CDH13: variants seen among roughly 807,000 people sequenced by gnomAD.
CDH13 encodes the protein cadherin-13.
In CDH13, 24 loss-of-function variants were observed where a neutral mutation model predicts 63.8. That is an observed-to-expected ratio of 0.38 (90% CI 0.27 to 0.53). CDH13 has a LOEUF of 0.53. Among genes scored for constraint, CDH13 ranks in the 20% least tolerant of loss-of-function variants. The pLI, the probability that CDH13 is intolerant of heterozygous loss-of-function variation, is 0.85. For synonymous variants in CDH13, 503 were observed against 355.3 expected, an observed-to-expected ratio of 1.42 and a Z score of -4.67; for missense variants, 1,049 against 903.1, an observed-to-expected ratio of 1.16 and a Z score of -2.07.
At chr16:82,820,005 A>G (rs1230194239) in intron 1 of CDH13, among the ~76,000 whole-genome samples, 9 of 152,146 alleles carry the variant, frequency 5.9e-5, no homozygotes. Flanking sequence ...CAGCGGCAGC[A>G]GTAGAGGAGA....
At chr16:83,069,070 A>G (rs2032244028) in intron 3 of CDH13, among the ~76,000 whole-genome samples, 1 of 152,208 alleles carries the variant, frequency 6.6e-6, no homozygotes, top group African/African-American at 2.4e-5. Flanking sequence ...GATTCTCAAA[A>G]TCCCAAAGGC....
In CDH13 at chr16:82,715,895, C is replaced by G. The variant is rs929612919; in HGVS notation, c.45+88758C>G. Among the ~76,000 whole-genome samples, 30 of 152,218 alleles carry G rather than the reference C, an allele frequency of 2.0e-4. 1 individual carries two copies. The highest frequency in any genetic ancestry group is 6.0e-4 in the African/African-American group (25 of 41,456). On this transcript the variant is annotated intron_variant, in intron 1 of 13. Coordinates refer to ENST00000567109, the MANE Select transcript of CDH13 (RefSeq NM_001257.5). ...TCCCCAGTCCAACTCCAGGAATGCC[C>G]TTTCTTCTTTAGCCACATCACAGTG...
chr16:83,080,874 T>TTTTTTTTG (rs2033190680), intron 3 of CDH13, among the ~76,000 whole-genome samples: 2 of 88,482 alleles, frequency 2.3e-5, no homozygotes, highest in African/African-American at 5.1e-5. Context: ...TTTTTGTGTT[T>TTTTTTTTG]TTTTTTTTTT....
chr16:83,171,875 T>C (rs898324986), intron 4 of CDH13, among the ~76,000 whole-genome samples: 11 of 152,312 alleles, frequency 7.2e-5, no homozygotes, highest in South Asian at 2.1e-4. Context: ...CATTTTATAA[T>C]GCTATCAACT....
chr16:83,355,898 G>A (rs903032551), intron 6 of CDH13, among the ~76,000 whole-genome samples: 19 of 152,146 alleles, frequency 1.2e-4, no homozygotes, highest in African/African-American at 3.9e-4. Context: ...GCACTATTAT[G>A]TACTGGATAC....
chr16:83,059,793 G>GC (rs2031341585), intron 3 of CDH13, among the ~76,000 whole-genome samples: 8 of 113,078 alleles, frequency 7.1e-5, no homozygotes. Flanking sequence ...TTTTTTGTTT[G>GC]TTTTTTTTTT....
chr16:83,686,290 C>G (rs1373910557), intron 10 of CDH13, among the ~76,000 whole-genome samples: 1 of 152,202 alleles, frequency 6.6e-6, no homozygotes, highest in African/African-American at 2.4e-5. Flanking sequence ...AGACTTTGTG[C>G]TCAGGGAGAG....
At chr16:83,602,107 CAAAA>C (rs869202510) in intron 7 of CDH13, among the ~76,000 whole-genome samples, 5 of 7,958 alleles carry the variant, frequency 6.3e-4, no homozygotes, top group Non-Finnish European at 7.5e-4. Flanking sequence ...AGAACAACAA[CAAAA>C]AAAAAAAAAA....
chr16:82,950,191 A>C (rs190282137), intron 2 of CDH13, among the ~76,000 whole-genome samples: 59 of 152,240 alleles, frequency 3.9e-4, no homozygotes, highest in Middle Eastern at 3.4e-3. Context: ...GAATCTGTTC[A>C]TGCCTCTCTC....
intron 4 of CDH13, among the ~76,000 whole-genome samples, chr16:83,189,012 C>T (rs1439640897): frequency 1.3e-5 from 2 of 152,148 alleles, no homozygotes; most frequent in East Asian, 1.9e-4. Context: ...ATCTACTCAT[C>T]CTGCATTAGT....
At chr16:83,432,618 A>G (rs1285898925) in intron 6 of CDH13, among the ~76,000 whole-genome samples, 1 of 152,134 alleles carries the variant, frequency 6.6e-6, no homozygotes, top group African/African-American at 2.4e-5. Flanking sequence ...CTGGGACTGG[A>G]GCCACCACGT....
intron 10 of CDH13, among the ~76,000 whole-genome samples, chr16:83,729,860 G>C (rs1910844558): frequency 6.6e-6 from 1 of 152,192 alleles, no homozygotes; most frequent in Admixed American, 6.5e-5. Flanking sequence ...AAATCTGTTT[G>C]GGATTGTATG....
At chr16:83,172,680 C>T (rs1222314862) in intron 4 of CDH13, among the ~76,000 whole-genome samples, 1 of 152,020 alleles carries the variant, frequency 6.6e-6, no homozygotes, top group Non-Finnish European at 1.5e-5. Context: ...TTTTCAGCCT[C>T]CATCACTGTG....
At chr16:82,703,410 T>C (rs77197181) in intron 1 of CDH13, among the ~76,000 whole-genome samples, 1,706 of 152,188 alleles carry the variant, frequency 0.011, 29 homozygotes, top group African/African-American at 0.039. Flanking sequence ...GGAGAACTCG[T>C]ACCCCCAGGA....
intron 11 of CDH13, among the ~76,000 whole-genome samples, chr16:83,760,443 T>A (rs527406568): frequency 8.5e-4 from 130 of 152,326 alleles, no homozygotes; most frequent in Admixed American, 2.1e-3. Context: ...ATTATCCAGA[T>A]GCCCAGCAAA....
At chr16:83,650,020 G>A (rs900704231) in intron 8 of CDH13, among the ~76,000 whole-genome samples, 7 of 152,272 alleles carry the variant, frequency 4.6e-5, no homozygotes, top group Admixed American at 6.5e-5. Context: ...GGAAAATGCG[G>A]TGTTTTAATT....
intron 3 of CDH13, among the ~76,000 whole-genome samples, chr16:83,098,115 T>C (rs1332685755): frequency 6.6e-6 from 1 of 152,198 alleles, no homozygotes; most frequent in Non-Finnish European, 1.5e-5. Flanking sequence ...AAAGAGGAAA[T>C]AATCTTTGAG....
intron 1 of CDH13, among the ~76,000 whole-genome samples, chr16:82,628,596 C>G (rs1907640408): frequency 6.6e-6 from 1 of 152,188 alleles, no homozygotes; most frequent in Non-Finnish European, 1.5e-5. Flanking sequence ...CTTGGATATA[C>G]AGTCCCGATT....
intron 3 of CDH13, among the ~76,000 whole-genome samples, chr16:83,043,580 C>T (rs1917519047): frequency 6.6e-6 from 1 of 151,502 alleles, no homozygotes; most frequent in African/African-American, 2.4e-5. Context: ...TAATCAAGGC[C>T]AGGCACAATG....
Sources: allele counts gnomAD v4.1 joint callset (sites outside exome capture counted in the v4.1 genomes callset), GRCh38; gene constraint gnomAD v4.1.1; transcripts MANE v1.5; gene names NCBI Gene and HGNC (gene_info 2026-07-23, HGNC 2026-07-21).